Variants in BCAS3 observed in about 807,000 individuals in gnomAD.
The protein encoded by BCAS3 is BCAS3 microtubule associated cell migration factor, also known as BCAS4/BCAS3 fusion.
A neutral mutation model predicts 116.1 loss-of-function variants in BCAS3; 53 were observed. That is an observed-to-expected ratio of 0.46 (90% CI 0.37 to 0.57). BCAS3 has a LOEUF of 0.57. BCAS3 is among the 20% of genes least tolerant of loss of function. The probability of loss-of-function intolerance (pLI) is 0.00; values close to 1 mark genes in which losing one functional copy is unlikely to be tolerated. For synonymous variants in BCAS3, 391 were observed against 408.2 expected, an observed-to-expected ratio of 0.96 and a Z score of 0.51; for missense variants, 917 against 1,165.4, an observed-to-expected ratio of 0.79 and a Z score of 3.10.
intron 14 of BCAS3, among the ~76,000 whole-genome samples, chr17:60,949,049 G>C (rs931918067): frequency 6.6e-6 from 1 of 151,154 alleles, no homozygotes; most frequent in African/African-American, 2.4e-5. Flanking sequence ...GCTAATTTTT[G>C]TATGTTTAGC....
chr17:61,293,220 G>A (rs1240943533), intron 22 of BCAS3, among the ~76,000 whole-genome samples: 1 of 152,146 alleles, frequency 6.6e-6, no homozygotes, highest in Non-Finnish European at 1.5e-5. Context: ...GGGAACAAAT[G>A]GAGGGAAAAT....
rs568509840 is a variant in BCAS3 at position 61,157,030 on chromosome 17, G to A, written c.2425+72466G>A. Among the ~76,000 whole-genome samples, 9 of 152,198 alleles carry A rather than the reference G, an allele frequency of 5.9e-5. No homozygotes were observed. The South Asian group carries it at 1.2e-3, about 21-fold the overall frequency. ...TTAAAAAGCAAATGTGGTTAATCTC[G>A]AAATCATTGAACTTTCTCTTTGCTC... On this transcript the variant is annotated intron_variant, in intron 22 of 23. Coordinates refer to ENST00000407086, the MANE Select transcript of BCAS3 (RefSeq NM_017679.5).
chr17:61,212,985 T>C, intron 22 of BCAS3, among the ~76,000 whole-genome samples: 1 of 152,184 alleles, frequency 6.6e-6, no homozygotes, highest in East Asian at 1.9e-4. Flanking sequence ...TTCATTATAT[T>C]GTACATAAGT....
intron 6 of BCAS3, among the ~76,000 whole-genome samples, chr17:60,801,090 C>A (rs1453335906): frequency 2.0e-5 from 3 of 151,910 alleles, no homozygotes; most frequent in African/African-American, 4.8e-5. Context: ...TTTATAATTG[C>A]AAAAAAATCT....
At position 61,368,141 on chromosome 17, in the gene BCAS3, G is replaced by A. The variant is rs1434275507; in HGVS notation, c.2426-186G>A. 3.7e-6 allele frequency: 2 copies of A among 536,948 alleles called. No individual in the cohort carries two copies. Among genetic ancestry groups the A allele is most frequent in the Non-Finnish European group, 6.5e-6 (2 of 309,778 alleles). The allele number at this position is 536,948 out of a possible 1,614,324, so 33.3% of individuals were successfully genotyped here. ...CAGTGTCACGGAAGTCACTCCAGAG[G>A]TCTGCACTCTCTCAGCGGCATGAGC... On this transcript the variant is annotated intron_variant, in intron 22 of 23. Coordinates refer to ENST00000407086, the MANE Select transcript of BCAS3 (RefSeq NM_017679.5). The surrounding 1 kb of genome is among the most constrained non-coding windows in gnomAD (Gnocchi z 6.0).
chr17:61,306,557 G>T (rs1010780218), intron 22 of BCAS3, among the ~76,000 whole-genome samples: 1 of 152,148 alleles, frequency 6.6e-6, no homozygotes, highest in Non-Finnish European at 1.5e-5. Flanking sequence ...TGGGAGGATC[G>T]CATTAATGCA....
At chr17:60,880,915 G>A (rs923916106) in intron 9 of BCAS3, among the ~76,000 whole-genome samples, 31 of 151,900 alleles carry the variant, frequency 2.0e-4, no homozygotes, top group African/African-American at 7.0e-4. Flanking sequence ...TGCAAAAAAT[G>A]TTCCCTCATT....
chr17:61,119,879 T>C (rs2075693704), intron 22 of BCAS3, among the ~76,000 whole-genome samples: 1 of 152,020 alleles, frequency 6.6e-6, no homozygotes, highest in African/African-American at 2.4e-5. Flanking sequence ...CTTTAGAATA[T>C]TTCACTCCTG....
At chr17:61,359,527 CT>C (rs1368650270) in intron 22 of BCAS3, among the ~76,000 whole-genome samples, 1 of 146,448 alleles carries the variant, frequency 6.8e-6, no homozygotes, top group Non-Finnish European at 1.5e-5. Flanking sequence ...CGGACTCTCT[CT>C]TTGTTGCCCA....
intron 22 of BCAS3, among the ~76,000 whole-genome samples, chr17:61,102,432 G>A (rs778055544): frequency 4.6e-5 from 7 of 152,038 alleles, no homozygotes; most frequent in African/African-American, 7.2e-5. Flanking sequence ...AGCATTTCAC[G>A]TGCATTATCA....
At chr17:61,050,736 G>A (rs1442731415) in intron 19 of BCAS3, among the ~76,000 whole-genome samples, 2 of 151,962 alleles carry the variant, frequency 1.3e-5, no homozygotes, top group Non-Finnish European at 2.9e-5. Flanking sequence ...AGTTCTAACT[G>A]TATGCTACTT....
At position 61,228,769 on chromosome 17, in the gene BCAS3, A is replaced by G. The variant is rs1037737685; in HGVS notation, c.2426-139558A>G. 1.3e-5 allele frequency among the ~76,000 whole-genome samples: 2 copies of G among 152,174 alleles called. No individual in the cohort carries two copies. Among genetic ancestry groups the G allele is most frequent in the African/African-American group, 2.4e-5 (1 of 41,438 alleles). On this transcript the variant is annotated intron_variant, in intron 22 of 23. Coordinates refer to ENST00000407086, the MANE Select transcript of BCAS3 (RefSeq NM_017679.5). This position sits in a 1 kb window ranked among gnomAD's most constrained non-coding sequence, Gnocchi z 5.0. ...GCCTTTCCGCAGGTCTCCTGATTCC[A>G]TGAGCCACAATAATATTGAAATTGG...
intron 22 of BCAS3, among the ~76,000 whole-genome samples, chr17:61,350,914 G>C (rs1218046758): frequency 6.6e-6 from 1 of 152,160 alleles, no homozygotes; most frequent in African/African-American, 2.4e-5. Context: ...GATTGCAGGT[G>C]TGAGCCACCA....
At chr17:60,788,095 T>C (rs1339635916) in intron 6 of BCAS3, among the ~76,000 whole-genome samples, 1 of 152,074 alleles carries the variant, frequency 6.6e-6, no homozygotes, top group Admixed American at 6.5e-5. Context: ...TTGGTACTTA[T>C]CCCCATTTTA....
intron 14 of BCAS3, chr17:60,980,653 C>A (rs2062751195): frequency 6.6e-6 from 1 of 151,764 alleles, no homozygotes; most frequent in East Asian, 1.9e-4. Context: ...CCCACCTCGG[C>A]CTCCTGAGTA....
In BCAS3 at chr17:61,064,065, C is replaced by G. The variant is rs931341191; in HGVS notation, c.2030-10855C>G. On this transcript the variant is annotated intron_variant, in intron 19 of 23. Coordinates refer to ENST00000407086, the MANE Select transcript of BCAS3 (RefSeq NM_017679.5). ...ACTTTTTGAAGACCCCTCCTAAACT[C>G]CACCTTGTCCTTAAAATGGTTTGAC... Among the ~76,000 whole-genome samples, 12 of 152,268 alleles carry G rather than the reference C, an allele frequency of 7.9e-5. No individual in the cohort carries two copies. In the East Asian group the frequency reaches 2.3e-3, roughly 29 times the overall value.
chr17:60,889,592 A>G (rs1293582879), intron 9 of BCAS3, 103 bp from the exon 10 acceptor site: 2 of 942,342 alleles, frequency 2.1e-6, no homozygotes, highest in Non-Finnish European at 3.3e-6. Context: ...GACTTGAAAA[A>G]ATATAAGCAT....
intron 22 of BCAS3, among the ~76,000 whole-genome samples, chr17:61,120,775 A>G (rs1414873715): frequency 1.3e-5 from 2 of 152,180 alleles, no homozygotes; most frequent in East Asian, 1.9e-4. Flanking sequence ...ATAATGTGAT[A>G]TCAAATCTCC....
At chr17:60,812,327 CA>C (rs1362834445) in intron 7 of BCAS3, among the ~76,000 whole-genome samples, 5 of 152,068 alleles carry the variant, frequency 3.3e-5, no homozygotes, top group Admixed American at 6.6e-5. Context: ...TAGGAGTTTG[CA>C]AAAAAATGTG....
Sources: gnomAD v4.1 joint callset for allele counts (sites outside exome capture counted in the v4.1 genomes callset) on GRCh38, gnomAD v4.1.1 for gene constraint, Gnocchi (gnomAD v3.1) non-coding constraint, MANE v1.5 for transcripts, NCBI Gene and HGNC (gene_info 2026-07-23, HGNC 2026-07-21) for gene names.